Variants in TBX1 observed in about 807,000 individuals in gnomAD.
The protein encoded by TBX1 is T-box transcription factor TBX1.
In TBX1, 16 loss-of-function variants were observed where a neutral mutation model predicts 40.8. The ratio of observed to expected loss-of-function variants is 0.39; its 90% CI spans 0.27 to 0.60. The LOEUF is 0.60. Among genes scored for constraint, TBX1 ranks in the 20% least tolerant of loss-of-function variants. The probability of loss-of-function intolerance (pLI) is 0.51; values close to 1 mark genes in which losing one functional copy is unlikely to be tolerated. For synonymous variants in TBX1, 403 were observed against 336.8 expected (o/e 1.20, Z -2.15); for missense variants, 755 against 728.5 (o/e 1.04, Z -0.42).
At chr22:19,777,293 G>A (rs1040329120) in intron 8 of TBX1, among the ~76,000 whole-genome samples, 18 of 151,202 alleles carry the variant, frequency 1.2e-4, no homozygotes, top group African/African-American at 3.6e-4. Flanking sequence ...TCCCACCTAT[G>A]AGTGAGAACA....
chr22:19,763,178 C>T (rs1000161978), intron 1 of TBX1, 63 bp from the exon 2 acceptor site: 1 of 1,404,638 alleles, frequency 7.1e-7, no homozygotes, highest in East Asian at 2.3e-5. Flanking sequence ...CCGCCAGCCC[C>T]AGGCAGGTCA....
intron 1 of TBX1, among the ~76,000 whole-genome samples, 186 bp downstream of exon 1, chr22:19,761,466 C>T (rs1191259459): frequency 6.6e-6 from 1 of 151,780 alleles, no homozygotes; most frequent in Non-Finnish European, 1.5e-5. Context: ...GACAGCCGCC[C>T]GGCGCTCCCC....
intron 8 of TBX1, among the ~76,000 whole-genome samples, chr22:19,777,509 T>C (rs1055149169): frequency 6.6e-6 from 1 of 151,994 alleles, no homozygotes; most frequent in South Asian, 2.1e-4. Context: ...TGAATAGTGC[T>C]GCAATAAACA....
chr22:19,769,639 TGTGGAGGTGACGTTCCC>T (rs1412040449), downstream of TBX1, among the ~76,000 whole-genome samples: 1 of 152,252 alleles, frequency 6.6e-6, no homozygotes, highest in Admixed American at 6.5e-5. Flanking sequence ...CTACCGTTCC[TGTGGAGGTGACGTTCCC>T]ATGGGCAGCT....
intron 8 of TBX1, among the ~76,000 whole-genome samples, chr22:19,772,553 TG>T (rs1051850670): frequency 2.0e-5 from 3 of 152,104 alleles, no homozygotes; most frequent in Non-Finnish European, 4.4e-5. Flanking sequence ...TGGCCTCAAG[TG>T]ATCCTTTGGC....
At chr22:19,758,848 T>C (rs1225713779), upstream of TBX1, among the ~76,000 whole-genome samples, 1 of 152,180 alleles carries the variant, frequency 6.6e-6, no homozygotes, top group Non-Finnish European at 1.5e-5. Context: ...CCAGCGACGA[T>C]AGTGAGCCAA....
In TBX1 at chr22:19,765,959, G is replaced by C. The variant is rs1188609141; in HGVS notation, c.993G>C (p.Arg331=). Residue 331 remains arginine (R), a synonymous_variant, in exon 6 of 7, where the codon CGG becomes CGC. Coordinates refer to ENST00000649276, the MANE Select transcript of TBX1 (RefSeq NM_001379200.1). ...LPLMSAFARS[R]NPVASPTQPS... is the part of the protein sequence containing the mutation. ...TCATGAGCGCCTTCGCGCGCTCGCG[G>C]AACCCCGTGGCTTCCCCGACGCAGC... The C allele has an allele frequency of 5.3e-6, 8 of 1,520,162 alleles. No homozygotes were observed. The highest frequency in any genetic ancestry group is 7.0e-6 in the Non-Finnish European group (8 of 1,138,104). The allele number at this position is 1,520,162 out of a possible 1,614,324, so 94.2% of individuals were successfully genotyped here. A position where few individuals can be genotyped will look rare whatever the true frequency, so the allele number is the denominator to read the frequency against.
At chr22:19,780,023 C>G (rs5992482), downstream of TBX1, among the ~76,000 whole-genome samples, 3,990 of 152,312 alleles carry the variant, frequency 0.026, 133 homozygotes, top group African/African-American at 0.083. Flanking sequence ...ATTGTGTAAA[C>G]TTCTTACCAC....
chr22:19,767,184 C>T lies in TBX1; in HGVS notation c.*317C>T, dbSNP rs1048715559. 155 of 1,122,202 alleles carry T rather than the reference C, an allele frequency of 1.4e-4. No homozygotes were observed. In the African/African-American group the frequency reaches 2.4e-3, roughly 18 times the overall value. The allele number at this position is 1,122,202 out of a possible 1,614,324, so 69.5% of individuals were successfully genotyped here. ...AGGAAGTGATATTTATTGTTCTCCCCGAGACCGCGTCGCCCGCGGCCCGGC... is the reference window on the plus strand; with the variant it reads ...AGGAAGTGATATTTATTGTTCTCCCTGAGACCGCGTCGCCCGCGGCCCGGC... On this transcript the variant is annotated 3_prime_UTR_variant, in exon 7 of 7. Transcript: ENST00000649276.
At chr22:19,774,136 G>A (rs964362513) in intron 8 of TBX1, among the ~76,000 whole-genome samples, 1 of 152,330 alleles carries the variant, frequency 6.6e-6, no homozygotes, top group African/African-American at 2.4e-5. Context: ...CCTGGAAGCC[G>A]TCTACACTGC....
In TBX1 at chr22:19,764,385, CG is replaced by C. The variant is rs1195371348; in HGVS notation, c.711+60del. 3.1e-6 allele frequency: 5 copies of C among 1,593,752 alleles called. No individual in the cohort carries two copies. In the African/African-American group the frequency reaches 6.7e-5, roughly 21 times the overall value. On this transcript the variant is annotated intron_variant, in intron 3 of 6. Coordinates refer to ENST00000649276, the MANE Select transcript of TBX1 (RefSeq NM_001379200.1). ...CCAAGGCCTCGAGTCCCGAGGCACC[CG>C]CCTGTCCCTAAGAGGCCTGTAGAAT...
At chr22:19,766,198 CCGCAGAGGGG>C in intron 6 of TBX1, 181 bp from the exon 7 acceptor site, 1 of 913,316 alleles carries the variant, frequency 1.1e-6, no homozygotes, top group Non-Finnish European at 1.3e-6. Flanking sequence ...CCGCCGCCGC[CCGCAGAGGGG>C]CGCGGGCCCC....
chr22:19,759,693 G>A (rs1414435441), upstream of TBX1: 1 of 1,611,992 alleles, frequency 6.2e-7, no homozygotes, highest in East Asian at 2.2e-5. Context: ...CCTCCAGGCC[G>A]TGTCTACACT....
chr22:19,759,690 G>C, upstream of TBX1: 1 of 1,612,146 alleles, frequency 6.2e-7, no homozygotes, highest in South Asian at 1.1e-5. Context: ...GAGCCTCCAG[G>C]CCGTGTCTAC....
exon 9 of TBX1, chr22:19,779,386 C>T (rs372448872): frequency 3.8e-5 from 61 of 1,614,028 alleles, no homozygotes; most frequent in Admixed American, 2.5e-4. Flanking sequence ...CTGGGAGGAC[C>T]GCAGGTGACC....
intron 6 of TBX1, 89 bp downstream of exon 6, chr22:19,766,091 G>A: frequency 8.5e-7 from 1 of 1,174,900 alleles, no homozygotes; most frequent in Non-Finnish European, 1.1e-6. Flanking sequence ...CTGCGCCCCC[G>A]GGGCGCTCCA....
At position 19,766,760 on chromosome 22, in the gene TBX1, C is replaced by T. The variant is rs1332062744; in HGVS notation, c.1408C>T (p.Pro470Ser). The T allele has an allele frequency of 2.0e-6, 3 of 1,494,058 alleles. No individual in the cohort carries two copies. In the South Asian group the frequency reaches 3.8e-5, roughly 19 times the overall value. The allele number at this position is 1,494,058 out of a possible 1,614,324, so 92.6% of individuals were successfully genotyped here. The part of the protein sequence containing the change: ...HPHHHHHPVS[P>S]AAAAAAAAAA... ...GCACCACCACCACCACCCCGTGAGTCCAGCCGCCGCGGCCGCCGCCGCCGC... is the reference window on the plus strand; with the variant it reads ...GCACCACCACCACCACCCCGTGAGTTCAGCCGCCGCGGCCGCCGCCGCCGC... The change falls in exon 7 of 7, where the codon CCA becomes TCA. Residue 470 changes from proline (P) to serine (S), a missense_variant. Physicochemically the swap from Pro to Ser is moderately conservative, Grantham distance 74. This residue lies in a region of TBX1 where 412 missense variants were observed against 317.6 expected (regional missense o/e 1.30). Transcript: ENST00000649276.
upstream of TBX1, among the ~76,000 whole-genome samples, chr22:19,759,961 G>T (rs905124469): frequency 1.3e-5 from 2 of 151,274 alleles, no homozygotes; most frequent in East Asian, 3.9e-4. Context: ...AGCCTGGAGA[G>T]GGGGGAGGAA....
At chr22:19,762,608 C>G (rs1412934638) in intron 1 of TBX1, among the ~76,000 whole-genome samples, 1 of 152,112 alleles carries the variant, frequency 6.6e-6, no homozygotes, top group Non-Finnish European at 1.5e-5. Flanking sequence ...GTAGCTGCGT[C>G]TTGGGGTTAT....
Sources: gnomAD v4.1 joint callset for allele counts (sites outside exome capture counted in the v4.1 genomes callset) on GRCh38, gnomAD v4.1.1 for gene constraint, gnomAD v4.1.1 regional missense constraint, MANE v1.5 for transcripts, NCBI Gene and HGNC (gene_info 2026-07-23, HGNC 2026-07-21) for gene names.